The following CDCP1 variants were observed in gnomAD, a reference collection of about 807,000 sequenced individuals.
CDCP1 encodes the protein CUB domain-containing protein 1.
A neutral mutation model predicts 60.2 loss-of-function variants in CDCP1; 29 were observed. The observed-to-expected ratio is 0.48, with a 90% CI of 0.36 to 0.66. The LOEUF is 0.66. Ranked by LOEUF, CDCP1 falls within the 30% of genes least tolerant of loss-of-function variation. The pLI is 0.00. For synonymous variants in CDCP1, 387 were observed against 431.1 expected (o/e 0.90, Z 1.27); for missense variants, 876 against 1,074.3 (o/e 0.82, Z 2.58).
At position 45,126,106 on chromosome 3, in the gene CDCP1, CTCTCTTTCTTTCTTTCTTTCTTTCTT is replaced by C. The variant is rs1353482481; in HGVS notation, c.83-7511_83-7486del. On this transcript the variant is annotated intron_variant, in intron 1 of 8. Coordinates refer to ENST00000296129, the MANE Select transcript of CDCP1 (RefSeq NM_022842.5). ...GCAACTGCTGCCATTCTTTGTCTCT[CTCTCTTTCTTTCTTTCTTTCTTTCTT>C]TCTTTCTTTCTTTCTTTCTTTCTTT... Among the ~76,000 whole-genome samples, 80 of 149,862 alleles carry C rather than the reference CTCTCTTTCTTTCTTTCTTTCTTTCTT, an allele frequency of 5.3e-4. 1 individual carries two copies. The highest frequency in any genetic ancestry group is 2.0e-3 in the Admixed American group (30 of 14,976).
At position 45,091,681 on chromosome 3, in the gene CDCP1, T is replaced by A; in HGVS notation, c.1628-143A>T. The A allele has an allele frequency of 1.0e-6, 1 of 1,001,254 alleles. No homozygotes were observed. 62.0% of individuals were successfully genotyped at this position (1,001,254 alleles called of 1,614,324 possible). ...TCTGCGATGATGGAAATCTTCTAGA[T>A]CTGCACCATCTGATAGGGTAGCCAC... On this transcript the variant is annotated intron_variant, in intron 6 of 8. Coordinates refer to ENST00000296129, the MANE Select transcript of CDCP1 (RefSeq NM_022842.5). The surrounding 1 kb of genome is among the most constrained non-coding windows in gnomAD (Gnocchi z 4.8).
intron 8 of CDCP1, among the ~76,000 whole-genome samples, chr3:45,088,155 T>G (rs112700892): frequency 0.078 from 11,947 of 152,304 alleles, 563 homozygotes; most frequent in African/African-American, 0.13. Context: ...CAGCACGGAC[T>G]CTGTCTAAAA....
In CDCP1 at chr3:45,118,532, T is replaced by C. The variant is rs1482295575; in HGVS notation, c.172A>G (p.Ile58Val). 3 of 1,614,206 alleles carry C rather than the reference T, an allele frequency of 1.9e-6. No individual in the cohort carries two copies. The highest frequency in any genetic ancestry group is 2.5e-6 in the Non-Finnish European group (3 of 1,180,018). ...GTTATATGTCTTTTAGAAATGACGATGTAACAGGGTTTTGCCAGCAGAGTC... is the reference window on the plus strand; with the variant it reads ...GTTATATGTCTTTTAGAAATGACGACGTAACAGGGTTTTGCCAGCAGAGTC... ...TPTLLAKPCY[I>V]VISKRHITML... The change falls in exon 2 of 9, where the codon ATC becomes GTC. Residue 58 changes from isoleucine to valine, a missense_variant. Physicochemically the swap from Ile to Val is conservative, Grantham distance 29. This residue lies in a region of CDCP1 where 150 missense variants were observed against 138.6 expected (regional missense o/e 1.08). Coordinates refer to ENST00000296129, the MANE Select transcript of CDCP1 (RefSeq NM_022842.5).
At chr3:45,113,870 T>C (rs1158951368) in intron 2 of CDCP1, among the ~76,000 whole-genome samples, 1 of 152,236 alleles carries the variant, frequency 6.6e-6, no homozygotes, top group African/African-American at 2.4e-5. Flanking sequence ...GAAACTTCAA[T>C]GTTTATATCA....
chr3:45,088,176 T>C (rs1157242115), intron 8 of CDCP1, among the ~76,000 whole-genome samples: 1 of 152,186 alleles, frequency 6.6e-6, no homozygotes, highest in African/African-American at 2.4e-5. Flanking sequence ...AGGTCAACAT[T>C]TTCCTTTTAT....
intron 1 of CDCP1, among the ~76,000 whole-genome samples, chr3:45,136,397 A>C (rs140318904): frequency 1.9e-3 from 290 of 152,322 alleles, no homozygotes; most frequent in African/African-American, 6.7e-3. Context: ...AAGGAGGAGG[A>C]TGGGAACAAA....
At chr3:45,136,207 TG>T in intron 1 of CDCP1, among the ~76,000 whole-genome samples, 1 of 152,154 alleles carries the variant, frequency 6.6e-6, no homozygotes, top group East Asian at 1.9e-4. Flanking sequence ...AATGCTGAGT[TG>T]GGGGTTTTAA....
intron 2 of CDCP1, among the ~76,000 whole-genome samples, chr3:45,113,429 T>A (rs1698733254): frequency 6.6e-6 from 1 of 152,100 alleles, no homozygotes; most frequent in African/African-American, 2.4e-5. Flanking sequence ...AAACAGAAAG[T>A]AGGCAATGTA....
intron 1 of CDCP1, among the ~76,000 whole-genome samples, chr3:45,124,311 T>C (rs904375773): frequency 2.0e-5 from 3 of 152,206 alleles, no homozygotes; most frequent in African/African-American, 7.2e-5. Flanking sequence ...GCAAAATAAC[T>C]GGCAACCCGT....
rs774180902 is a variant in CDCP1 at position 45,087,577 on chromosome 3, T to C, written c.2081+1477A>G. 6.6e-4 allele frequency among the ~76,000 whole-genome samples: 101 copies of C among 152,222 alleles called. 1 individual carries two copies. Among genetic ancestry groups the C allele is most frequent in the Admixed American group, 1.6e-3 (25 of 15,290 alleles). ...ATGTTTCCTTAAAAGCAGTCCTTTTTCCCCCATGTGTTATAGGTACAGCCA... is the reference window on the plus strand; with the variant it reads ...ATGTTTCCTTAAAAGCAGTCCTTTTCCCCCCATGTGTTATAGGTACAGCCA... On this transcript the variant is annotated intron_variant, in intron 8 of 8. Transcript: ENST00000296129.
chr3:45,109,488 C>T (rs762762275), intron 4 of CDCP1, among the ~76,000 whole-genome samples: 4 of 152,074 alleles, frequency 2.6e-5, no homozygotes, highest in South Asian at 2.1e-4. Flanking sequence ...CTCTGAACAG[C>T]GTCCATCCTT....
rs547803825 is a variant in CDCP1, at chr3:45,118,054, G to A, written c.292+358C>T. Among the ~76,000 whole-genome samples, 11 of 152,322 alleles carry A rather than the reference G, an allele frequency of 7.2e-5. No homozygotes were observed. The East Asian group carries it at 1.7e-3, about 24-fold the overall frequency. ...TCACAGACCTGAAGATCTGTAGCTT[G>A]TGGGCTTCTGTAGTGCTGCCTGAAG... On this transcript the variant is annotated intron_variant, in intron 2 of 8. Coordinates refer to ENST00000296129, the MANE Select transcript of CDCP1 (RefSeq NM_022842.5).
At chr3:45,093,807 T>G (rs1393200166) in intron 5 of CDCP1, 150 bp from the exon 6 acceptor site, 1 of 813,958 alleles carries the variant, frequency 1.2e-6, no homozygotes, top group African/African-American at 1.7e-5. Flanking sequence ...TGCTTCTGGC[T>G]CCTCTGTGTT....
chr3:45,093,289 G>T lies in CDCP1; in HGVS notation c.1615C>A (p.Pro539Thr). The T allele has an allele frequency of 6.2e-7, 1 of 1,613,446 alleles. No individual in the cohort carries two copies. The highest frequency in any genetic ancestry group is 8.5e-7 in the Non-Finnish European group (1 of 1,179,468). Residue 539 changes from proline (P) to threonine (T), a missense_variant, in exon 6 of 9, where the codon CCT becomes ACT. Pro to Thr is a conservative substitution (Grantham distance 38). This residue lies in a region of CDCP1 where 726 missense variants were observed against 935.7 expected (regional missense o/e 0.78). Transcript: ENST00000296129. ...AGACCCCCCTTACCTTTGAAATAAGGTATAAAGGACACCGTCAGACCCTGC... is the reference window on the plus strand; with the variant it reads ...AGACCCCCCTTACCTTTGAAATAAGTTATAAAGGACACCGTCAGACCCTGC... ...SRQGLTVSFIPYFKEEGVFTV... is the reference protein window; with the variant it reads ...SRQGLTVSFITYFKEEGVFTV...
At chr3:45,126,108 CTCTTTCTTTCTTTCTT>C (rs72581928) in intron 1 of CDCP1, among the ~76,000 whole-genome samples, 120 of 110,066 alleles carry the variant, frequency 1.1e-3, no homozygotes, top group African/African-American at 3.8e-3. Flanking sequence ...TTGTCTCTCT[CTCTTTCTTTCTTTCTT>C]TCTTTCTTTC....
intron 4 of CDCP1, among the ~76,000 whole-genome samples, chr3:45,106,793 AG>A (rs1344755720): frequency 6.6e-6 from 1 of 152,180 alleles, no homozygotes. Flanking sequence ...AGAGAGGTGC[AG>A]CAGTGAAGGG....
At chr3:45,126,060 A>C (rs1258771810) in intron 1 of CDCP1, among the ~76,000 whole-genome samples, 1 of 152,054 alleles carries the variant, frequency 6.6e-6, no homozygotes, top group Non-Finnish European at 1.5e-5. Context: ...AAGGCTGGTC[A>C]AGTTACCTAG....
At chr3:45,107,311 A>G (rs1306640199) in intron 4 of CDCP1, among the ~76,000 whole-genome samples, 1 of 151,600 alleles carries the variant, frequency 6.6e-6, no homozygotes, top group East Asian at 1.9e-4. Context: ...GGTTCAAGCG[A>G]TTCTCCTGCC....
In CDCP1 at chr3:45,110,003, T is replaced by G. The variant is rs575558683; in HGVS notation, c.1024+470A>C. 3.6e-3 allele frequency among the ~76,000 whole-genome samples: 541 copies of G among 152,206 alleles called. 3 individuals are homozygous for G. Among genetic ancestry groups the G allele is most frequent in the Non-Finnish European group, 5.6e-3 (380 of 67,996 alleles). On this transcript the variant is annotated intron_variant, in intron 4 of 8. Coordinates refer to ENST00000296129, the MANE Select transcript of CDCP1 (RefSeq NM_022842.5). ...TTTCTCATTAGTAAATAAAGATAATTCCCACCTCCCCTACAGGGTTGCAAT... is the reference window on the plus strand; with the variant it reads ...TTTCTCATTAGTAAATAAAGATAATGCCCACCTCCCCTACAGGGTTGCAAT...
Sources: gnomAD v4.1 joint callset for allele counts (sites outside exome capture counted in the v4.1 genomes callset) on GRCh38, gnomAD v4.1.1 for gene constraint, gnomAD v4.1.1 regional missense constraint, Gnocchi (gnomAD v3.1) non-coding constraint, MANE v1.5 for transcripts, NCBI Gene and HGNC (gene_info 2026-07-23, HGNC 2026-07-21) for gene names.